SH3TC2: variants seen among roughly 807,000 people sequenced by gnomAD.
The protein encoded by SH3TC2 is SH3 domain and tetratricopeptide repeats 2, also known as SH3 domain and tetratricopeptide repeat-containing protein 2.
A neutral mutation model predicts 124.5 loss-of-function variants in SH3TC2; 87 were observed. That is an observed-to-expected ratio of 0.70 (90% CI 0.59 to 0.84). SH3TC2 has a LOEUF of 0.84. Ranked by LOEUF, SH3TC2 falls within the 40% of genes least tolerant of loss-of-function variation. The pLI is 0.00. For missense variants in SH3TC2, 1,536 were observed against 1,566.4 expected, an observed-to-expected ratio of 0.98 and a Z score of 0.33; for synonymous variants, 634 against 628.5, an observed-to-expected ratio of 1.01 and a Z score of -0.13.
intron 4 of SH3TC2, 142 bp from the exon 5 acceptor site, chr5:149,042,979 A>G (rs1754398178): frequency 4.9e-5 from 46 of 931,864 alleles, no homozygotes; most frequent in South Asian, 2.5e-4. Flanking sequence ...TTAAAACAAC[A>G]TAAGAGGCAA....
chr5:149,040,911 C>A (rs1047672827), intron 6 of SH3TC2, among the ~76,000 whole-genome samples: 1 of 152,200 alleles, frequency 6.6e-6, no homozygotes, highest in African/African-American at 2.4e-5. Flanking sequence ...AAATAACTAA[C>A]AAACAATCCC....
chr5:149,015,517 TTTC>T, intron 12 of SH3TC2, among the ~76,000 whole-genome samples: 1 of 152,302 alleles, frequency 6.6e-6, no homozygotes, highest in Non-Finnish European at 1.5e-5. Flanking sequence ...GCCTTGTGTA[TTTC>T]TGGTTCTCCT....
intron 1 of SH3TC2, among the ~76,000 whole-genome samples, chr5:149,056,787 C>G (rs1161364297): frequency 6.6e-6 from 1 of 152,148 alleles, no homozygotes; most frequent in Non-Finnish European, 1.5e-5. Flanking sequence ...TTACAGCATT[C>G]TTTTACACAT....
Position 149,047,983 on chromosome 5 carries a change from G to A in SH3TC2, c.158C>T (p.Thr53Ile). ...GCGGCTCTTTACACAGAAGGAGAGT[G>A]TCAGGTCTTAAAGAGAACAGAGAGA... ...FLPQNINPDL[T>I]LSFCVKSRSR... The change falls in exon 3 of 17, where the codon ACA becomes ATA. Residue 53 changes from threonine to isoleucine, a missense_variant. Physicochemically the swap from Thr to Ile is moderately conservative, Grantham distance 89. Coordinates refer to ENST00000515425, the MANE Select transcript of SH3TC2 (RefSeq NM_024577.4). The A allele has an allele frequency of 6.2e-7, 1 of 1,614,076 alleles. No individual in the cohort carries two copies.
At chr5:149,029,777 G>A (rs1754151621) in intron 9 of SH3TC2, among the ~76,000 whole-genome samples, 1 of 152,158 alleles carries the variant, frequency 6.6e-6, no homozygotes, top group Non-Finnish European at 1.5e-5. Context: ...TGGCAGTGAA[G>A]AAGTGACCAC....
chr5:149,039,978 T>C (rs1490516303), intron 7 of SH3TC2, among the ~76,000 whole-genome samples: 2 of 152,122 alleles, frequency 1.3e-5, no homozygotes, highest in Non-Finnish European at 2.9e-5. Flanking sequence ...GTTCTAAAGA[T>C]GAAGATGAAC....
At chr5:149,034,531 T>C (rs1754251669) in intron 8 of SH3TC2, 2 of 391,856 alleles carry the variant, frequency 5.1e-6, no homozygotes, top group Non-Finnish European at 1.0e-5. Flanking sequence ...CTGAGCAAAA[T>C]AAATAAATAT....
chr5:149,028,636 C>T (rs1340467722), intron 10 of SH3TC2, 41 bp downstream of exon 10: 1 of 1,614,052 alleles, frequency 6.2e-7, no homozygotes, highest in Non-Finnish European at 8.5e-7. Flanking sequence ...GAAGTGCTGT[C>T]CTCAAGGATG....
intron 3 of SH3TC2, chr5:149,047,241 C>T (rs1754479228): frequency 6.5e-6 from 1 of 152,718 alleles, no homozygotes; most frequent in South Asian, 2.1e-4. Context: ...TTGTTTTTTT[C>T]CTCCTCTCAC....
At position 148,985,416 on chromosome 5, in the gene SH3TC2, T is replaced by G. The variant is rs1428381386; in HGVS notation, c.*19295A>C. On this transcript the variant is annotated 3_prime_UTR_variant, in exon 17 of 17. Coordinates refer to ENST00000515425, the MANE Select transcript of SH3TC2 (RefSeq NM_024577.4). ...CTCCAACTCACAGCACAGATCTGTT[T>G]GCTGATCCTGTAGTTTTTAAAATGC... is the stretch of plus-strand genomic sequence containing the variant. Among the ~76,000 whole-genome samples, 2 of 152,218 alleles carry G rather than the reference T, an allele frequency of 1.3e-5. No individual in the cohort carries two copies. Among genetic ancestry groups the G allele is most frequent in the African/African-American group, 4.8e-5 (2 of 41,460 alleles).
intron 3 of SH3TC2, chr5:149,047,651 CA>C: frequency 1.6e-6 from 1 of 607,140 alleles, no homozygotes; most frequent in Non-Finnish European, 2.9e-6. Flanking sequence ...TCTGACTCAG[CA>C]ACTCCAAGTT....
chr5:149,045,067 A>T (rs928508341), intron 3 of SH3TC2: 1 of 160,860 alleles, frequency 6.2e-6, no homozygotes, highest in African/African-American at 2.4e-5. Flanking sequence ...ATGTCTAATG[A>T]TTATTTTTAT....
At chr5:149,051,402 T>G (rs1283323717) in intron 2 of SH3TC2, among the ~76,000 whole-genome samples, 1 of 152,226 alleles carries the variant, frequency 6.6e-6, no homozygotes, top group Non-Finnish European at 1.5e-5. Flanking sequence ...TTGGGTATCA[T>G]ATAGTATGTA....
intron 1 of SH3TC2, among the ~76,000 whole-genome samples, chr5:149,052,966 CACA>C (rs756461473): frequency 2.6e-5 from 4 of 152,210 alleles, no homozygotes; most frequent in African/African-American, 9.6e-5. Context: ...ATCCCCAAAA[CACA>C]ACAAGGAAAC....
chr5:149,007,169 A>G (rs780836111), intron 15 of SH3TC2, 92 bp from the exon 16 acceptor site: 1 of 1,220,424 alleles, frequency 8.2e-7, no homozygotes, highest in Non-Finnish European at 1.2e-6. Context: ...TTGAAGGTCT[A>G]CTAGATGTCA....
In SH3TC2 at chr5:149,027,125, C is replaced by A. The variant is rs771752979; in HGVS notation, c.2607G>T (p.Val869=). ...YLRALNRAQE[V]GDVHNQAVAM... ...CCACTGCCTGGTTATGCACATCTCC[C>A]ACCTCCTGGGCTCTGTTCAAGGCCC... Residue 869 remains valine (V), a synonymous_variant, in exon 11 of 17, where the codon GTG becomes GTT. Coordinates refer to ENST00000515425, the MANE Select transcript of SH3TC2 (RefSeq NM_024577.4). 3.1e-6 allele frequency: 5 copies of A among 1,614,154 alleles called. No homozygotes were observed. Among genetic ancestry groups the A allele is most frequent in the Non-Finnish European group, 4.2e-6 (5 of 1,180,000 alleles).
Position 149,027,244 on chromosome 5 carries a change from C to CT in SH3TC2, c.2487dup (p.Glu830ArgfsTer11). 6.2e-7 allele frequency: 1 copy of CT among 1,614,204 alleles called. No individual in the cohort carries two copies. The highest frequency in any genetic ancestry group is 8.5e-7 in the Non-Finnish European group (1 of 1,180,046). ...ATGACTCCCCTTTGAGTGAGACTCT[C>CT]TGTCTCCTTCAGGGAGCATAGCAGT... On this transcript the variant is annotated frameshift_variant, in exon 11 of 17. Transcript: ENST00000515425. LOFTEE classifies it high-confidence loss of function.
intron 1 of SH3TC2, among the ~76,000 whole-genome samples, chr5:149,053,145 T>C (rs1357150092): frequency 6.6e-6 from 1 of 152,212 alleles, no homozygotes; most frequent in African/African-American, 2.4e-5. Flanking sequence ...ACTCCTTTAA[T>C]GTGCTTATAA....
At chr5:149,023,601 T>TTTTTTTTTTTTTA (rs1754014057) in intron 12 of SH3TC2, among the ~76,000 whole-genome samples, 1 of 107,906 alleles carries the variant, frequency 9.3e-6, no homozygotes, top group African/African-American at 3.3e-5. Flanking sequence ...TTTTTTTTTT[T>TTTTTTTTTTTTTA]GAGAGACAGT....
Sources: allele counts gnomAD v4.1 joint callset (sites outside exome capture counted in the v4.1 genomes callset), GRCh38; gene constraint gnomAD v4.1.1; transcripts MANE v1.5; gene names NCBI Gene and HGNC (gene_info 2026-07-23, HGNC 2026-07-21).